The following STXBP6 variants were observed in gnomAD, a reference collection of about 807,000 sequenced individuals.
The protein encoded by STXBP6 is syntaxin binding protein 6.
In STXBP6, 21 loss-of-function variants were observed where a neutral mutation model predicts 26.9. The ratio of observed to expected loss-of-function variants is 0.78; its 90% CI spans 0.55 to 1.12. STXBP6 has a LOEUF of 1.12. Among genes scored for constraint, STXBP6 ranks in the 50% most tolerant of loss-of-function variants. The probability of loss-of-function intolerance (pLI) is 0.00; values close to 1 mark genes in which losing one functional copy is unlikely to be tolerated. For missense variants in STXBP6, 232 were observed against 257.9 expected (o/e 0.90, Z 0.69); for synonymous variants, 97 against 92.6 (o/e 1.05, Z -0.27).
intron 1 of STXBP6, among the ~76,000 whole-genome samples, chr14:25,005,724 T>C (rs1038492333): frequency 4.0e-5 from 6 of 151,620 alleles, no homozygotes; most frequent in Admixed American, 2.6e-4. Context: ...TACTCCAATA[T>C]TGGAAGTGAT....
chr14:24,847,388 T>C (rs916915811), intron 4 of STXBP6, among the ~76,000 whole-genome samples: 4 of 152,192 alleles, frequency 2.6e-5, no homozygotes, highest in African/African-American at 9.6e-5. Context: ...ACAGCCCCTT[T>C]AGTCTCAGAG....
intron 1 of STXBP6, among the ~76,000 whole-genome samples, chr14:24,996,206 T>C (rs1308365579): frequency 2.6e-5 from 4 of 152,260 alleles, no homozygotes; most frequent in Admixed American, 6.5e-5. Flanking sequence ...ACATTAAATG[T>C]ACTTATGAAT....
rs1206411905 is a variant in STXBP6, at chr14:24,840,833, G to GT, written c.451+15102dup. On this transcript the variant is annotated intron_variant, in intron 4 of 5. Transcript: ENST00000323944. ...TTTTAAAACTAGAAGTCTAACAAAT[G>GT]TAACTGCTTTTTTTTTTTTCCTGTC... Among the ~76,000 whole-genome samples, 5 of 145,444 alleles carry GT rather than the reference G, an allele frequency of 3.4e-5. No individual in the cohort carries two copies. The East Asian group carries it at 1.0e-3, about 29-fold the overall frequency.
chr14:24,916,747 A>C (rs1054826358), intron 2 of STXBP6, among the ~76,000 whole-genome samples: 18 of 152,120 alleles, frequency 1.2e-4, no homozygotes, highest in African/African-American at 4.1e-4. Context: ...GATCAACAGC[A>C]TCTGTAACCG....
intron 1 of STXBP6, among the ~76,000 whole-genome samples, chr14:25,009,222 C>A (rs544926816): frequency 7.9e-5 from 12 of 152,260 alleles, no homozygotes; most frequent in African/African-American, 2.6e-4. Flanking sequence ...AATGAAATTT[C>A]AAAACAGTTC....
intron 2 of STXBP6, among the ~76,000 whole-genome samples, chr14:24,883,103 G>T (rs7141358): frequency 2.6e-5 from 4 of 152,094 alleles, no homozygotes; most frequent in African/African-American, 9.7e-5. Context: ...TAGTGACATG[G>T]AAAGATGTTC....
intron 1 of STXBP6, among the ~76,000 whole-genome samples, chr14:25,007,669 A>T (rs1404267403): frequency 6.6e-6 from 1 of 152,238 alleles, no homozygotes; most frequent in African/African-American, 2.4e-5. Flanking sequence ...GGCACATTAG[A>T]AATGCTCAGT....
intron 1 of STXBP6, among the ~76,000 whole-genome samples, chr14:25,013,045 T>C (rs1316897208): frequency 6.6e-6 from 1 of 152,136 alleles, no homozygotes; most frequent in Admixed American, 6.5e-5. Context: ...TGAGCTACGA[T>C]AGTTGCACGG....
intron 1 of STXBP6, among the ~76,000 whole-genome samples, chr14:25,030,249 A>G (rs889733670): frequency 7.2e-5 from 11 of 152,200 alleles, no homozygotes; most frequent in Admixed American, 1.3e-4. Flanking sequence ...CTGGTCTTCC[A>G]TGCCTGTCTG....
intron 4 of STXBP6, among the ~76,000 whole-genome samples, chr14:24,851,519 A>G (rs190400437): frequency 8.0e-4 from 122 of 152,000 alleles, no homozygotes; most frequent in African/African-American, 2.8e-3. Flanking sequence ...CAGAACCATC[A>G]TTCTCAACAT....
At chr14:24,953,266 G>A (rs533450146) in intron 2 of STXBP6, among the ~76,000 whole-genome samples, 2 of 152,276 alleles carry the variant, frequency 1.3e-5, no homozygotes, top group South Asian at 4.1e-4. Context: ...GCAGGATGAC[G>A]ATCCAGGGTA....
chr14:25,049,140 T>TG lies in STXBP6; in HGVS notation c.-33+737dup. ...CTGTCCTCTGTGAAGATGAACGGGG[T>TG]GGGGTGGTGAGGTGGCGGGGTGTTG... On this transcript the variant is annotated intron_variant, in intron 1 of 5. Coordinates refer to ENST00000323944, the MANE Select transcript of STXBP6 (RefSeq NM_001394410.1). The surrounding 1 kb of genome is among the most constrained non-coding windows in gnomAD (Gnocchi z 5.6). 1.0e-6 allele frequency: 1 copy of TG among 982,688 alleles called. No homozygotes were observed. The highest frequency in any genetic ancestry group is 1.2e-6 in the Non-Finnish European group (1 of 827,606). The allele number at this position is 982,688 out of a possible 1,614,324, so 60.9% of individuals were successfully genotyped here.
chr14:24,956,182 G>GA lies in STXBP6; in HGVS notation c.154+18482dup, dbSNP rs369493364. On this transcript the variant is annotated intron_variant, in intron 2 of 5. Transcript: ENST00000323944. ...CACATGGGTCAATGGAATTAAGGGA[G>GA]AAAAAAAAAATCACTGCATCTTTGA... Among the ~76,000 whole-genome samples the GA allele has an allele frequency of 5.6e-4, 84 of 148,758 alleles. No homozygotes were observed. The East Asian group carries it at 6.1e-3, about 11-fold the overall frequency.
intron 2 of STXBP6, among the ~76,000 whole-genome samples, chr14:24,868,910 ATGAAT>A (rs370202100): frequency 1.1e-4 from 16 of 152,346 alleles, no homozygotes; most frequent in African/African-American, 3.8e-4. Context: ...GCAATGCCTA[ATGAAT>A]TGGAGGCCAC....
At chr14:24,853,954 C>T (rs1170288532) in intron 4 of STXBP6, among the ~76,000 whole-genome samples, 1 of 152,022 alleles carries the variant, frequency 6.6e-6, no homozygotes, top group African/African-American at 2.4e-5. Flanking sequence ...ATCTATCAGT[C>T]TGGGATTTGA....
At chr14:24,960,385 T>G (rs902978378) in intron 2 of STXBP6, among the ~76,000 whole-genome samples, 1 of 152,184 alleles carries the variant, frequency 6.6e-6, no homozygotes, top group African/African-American at 2.4e-5. Context: ...AATAAAAAAT[T>G]TATGACTGTT....
intron 1 of STXBP6, among the ~76,000 whole-genome samples, chr14:24,981,012 C>G (rs557767665): frequency 6.6e-6 from 1 of 152,184 alleles, no homozygotes; most frequent in Non-Finnish European, 1.5e-5. Flanking sequence ...TGCTATACAA[C>G]CAGGTCCAGA....
chr14:24,813,071 T>G (rs555826392), intron 5 of STXBP6, among the ~76,000 whole-genome samples: 1 of 152,168 alleles, frequency 6.6e-6, no homozygotes, highest in Non-Finnish European at 1.5e-5. Flanking sequence ...ACCCTAGGAA[T>G]AGCTGGGGTT....
In STXBP6 at chr14:24,946,270, C is replaced by A. The variant is rs555732736; in HGVS notation, c.154+28395G>T. On this transcript the variant is annotated intron_variant, in intron 2 of 5. Coordinates refer to ENST00000323944, the MANE Select transcript of STXBP6 (RefSeq NM_001394410.1). Reference sequence around the variant, plus strand: ...GAACTACCCTACAAAGTAAATATAACAGTACTAGAAATAGCCCCTAACACT... The same window carrying A: ...GAACTACCCTACAAAGTAAATATAAAAGTACTAGAAATAGCCCCTAACACT... 2.8e-4 allele frequency among the ~76,000 whole-genome samples: 42 copies of A among 152,166 alleles called. No individual in the cohort carries two copies. The South Asian group carries it at 8.3e-3, about 30-fold the overall frequency.
Sources: gnomAD v4.1 joint callset for allele counts (sites outside exome capture counted in the v4.1 genomes callset) on GRCh38, gnomAD v4.1.1 for gene constraint, Gnocchi (gnomAD v3.1) non-coding constraint, MANE v1.5 for transcripts, NCBI Gene and HGNC (gene_info 2026-07-23, HGNC 2026-07-21) for gene names.